The following ZBED6 variants were observed in gnomAD, a reference collection of about 807,000 sequenced individuals.
ZBED6 encodes the protein zinc finger BED domain-containing protein 6.
A neutral mutation model predicts 58.4 loss-of-function variants in ZBED6; 40 were observed. That is an observed-to-expected ratio of 0.68 (90% CI 0.53 to 0.89). The LOEUF is 0.89. Ranked by LOEUF, ZBED6 falls within the 40% of genes least tolerant of loss-of-function variation. The pLI is 0.00. For synonymous variants in ZBED6, 439 were observed against 350.6 expected, an observed-to-expected ratio of 1.25 and a Z score of -2.82; for missense variants, 1,057 against 1,003.9, an observed-to-expected ratio of 1.05 and a Z score of -0.71.
At chr1:203,831,842 G>T (rs976085342) in intron 8 of ZBED6, 71 bp downstream of exon 8, 3 of 1,266,314 alleles carry the variant, frequency 2.4e-6, no homozygotes, top group Admixed American at 2.2e-5. Flanking sequence ...AAATCCTTGG[G>T]TATCTTTTAC....
At chr1:203,825,027 A>G (rs1239072214) in intron 3 of ZBED6, among the ~76,000 whole-genome samples, 1 of 147,176 alleles carries the variant, frequency 6.8e-6, no homozygotes, top group Non-Finnish European at 1.5e-5. Flanking sequence ...CAGTGAGACA[A>G]GATTGTGCCA....
intron 1 of ZBED6, among the ~76,000 whole-genome samples, chr1:203,803,970 T>C (rs1671321948): frequency 6.6e-6 from 1 of 152,190 alleles, no homozygotes; most frequent in Non-Finnish European, 1.5e-5. Flanking sequence ...TAAACTCTAA[T>C]TGGGATTTTG....
intron 1 of ZBED6, among the ~76,000 whole-genome samples, chr1:203,810,003 CTAGA>C (rs1382330807): frequency 1.3e-5 from 2 of 152,020 alleles, no homozygotes; most frequent in Non-Finnish European, 2.9e-5. Context: ...TCTTGGCAAC[CTAGA>C]TACTTTTTTT....
chr1:203,821,126 G>C (rs1450004981), intron 3 of ZBED6, among the ~76,000 whole-genome samples: 1 of 152,036 alleles, frequency 6.6e-6, no homozygotes, highest in African/African-American at 2.4e-5. Context: ...TTTCCCCCAC[G>C]CTATTCTCAT....
intron 3 of ZBED6, among the ~76,000 whole-genome samples, chr1:203,821,198 G>A (rs1678552341): frequency 6.6e-6 from 1 of 152,004 alleles, no homozygotes; most frequent in East Asian, 1.9e-4. Flanking sequence ...CTTTGCTCGC[G>A]CTCTCTTGCT....
chr1:203,818,624 T>C (rs371560596), exon 3 of ZBED6: 1 of 1,614,212 alleles, frequency 6.2e-7, no homozygotes, highest in Non-Finnish European at 8.5e-7. Flanking sequence ...TGAAACTGTT[T>C]GCACATTATG....
At chr1:203,835,190 G>T (rs1683888841) in intron 9 of ZBED6, among the ~76,000 whole-genome samples, 1 of 152,202 alleles carries the variant, frequency 6.6e-6, no homozygotes, top group Non-Finnish European at 1.5e-5. Flanking sequence ...TCAGCGATGA[G>T]ATAATGCCCA....
At chr1:203,822,213 A>G (rs560630059) in intron 3 of ZBED6, among the ~76,000 whole-genome samples, 1 of 152,188 alleles carries the variant, frequency 6.6e-6, no homozygotes, top group East Asian at 1.9e-4. Flanking sequence ...TGTTCATAAT[A>G]CTTTTATTTA....
At chr1:203,815,240 T>C (rs1380810387) in intron 1 of ZBED6, among the ~76,000 whole-genome samples, 5 of 91,880 alleles carry the variant, frequency 5.4e-5, no homozygotes, top group Non-Finnish European at 8.7e-5. Flanking sequence ...TTTGAGACAG[T>C]GTCTCGCTCT....
At chr1:203,826,911 C>T (rs1204774457) in intron 3 of ZBED6, among the ~76,000 whole-genome samples, 1 of 152,130 alleles carries the variant, frequency 6.6e-6, no homozygotes, top group Non-Finnish European at 1.5e-5. Flanking sequence ...TGATCAGCAC[C>T]TAGTTCAAGA....
intron 1 of ZBED6, among the ~76,000 whole-genome samples, chr1:203,811,612 G>A (rs1310303392): frequency 1.3e-5 from 2 of 152,068 alleles, no homozygotes; most frequent in Non-Finnish European, 1.5e-5. Flanking sequence ...GGATTCAAGC[G>A]ATTCTTGTAC....
In ZBED6 at chr1:203,819,753, C is replaced by T. The variant is rs572600056; in HGVS notation, c.*2873+1064C>T. Among the ~76,000 whole-genome samples the T allele has an allele frequency of 2.1e-4, 32 of 149,424 alleles. 1 individual carries two copies. The East Asian group carries it at 5.5e-3, about 26-fold the overall frequency. Reference sequence around the variant, plus strand: ...TTTGCCATGCTGGTCAGGCTGGTCTCGAACTCCTGATCTCTGGTGATCCAC... The same window carrying T: ...TTTGCCATGCTGGTCAGGCTGGTCTTGAACTCCTGATCTCTGGTGATCCAC... On this transcript the variant is annotated intron_variant, in intron 3 of 16. Coordinates refer to ENST00000550078, the Ensembl canonical transcript of ZBED6.
chr1:203,834,696 C>G (rs1683664372), intron 9 of ZBED6, among the ~76,000 whole-genome samples: 1 of 152,206 alleles, frequency 6.6e-6, no homozygotes, highest in African/African-American at 2.4e-5. Flanking sequence ...GTCGCCCACG[C>G]TGGCGTGCAC....
chr1:203,804,789 C>G (rs1257620366), intron 1 of ZBED6, among the ~76,000 whole-genome samples: 1 of 151,282 alleles, frequency 6.6e-6, no homozygotes, highest in African/African-American at 2.4e-5. Flanking sequence ...TCTTCTGTCT[C>G]AGCCTCCCAA....
intron 3 of ZBED6, among the ~76,000 whole-genome samples, chr1:203,825,624 C>T (rs953415366): frequency 2.0e-5 from 3 of 151,874 alleles, no homozygotes; most frequent in South Asian, 2.1e-4. Flanking sequence ...TTAGTAGAGA[C>T]GGGGTTTCAC....
intron 1 of ZBED6, among the ~76,000 whole-genome samples, chr1:203,804,515 CTCTGCCATCA>C (rs1671595370): frequency 6.6e-6 from 1 of 151,978 alleles, no homozygotes; most frequent in Non-Finnish European, 1.5e-5. Context: ...GTGAGTGGTA[CTCTGCCATCA>C]TCTGAATGAT....
At chr1:203,796,205 A>T (rs916733848) in exon 1 of ZBED6, 6 of 387,192 alleles carry the variant, frequency 1.5e-5, no homozygotes, top group Non-Finnish European at 2.3e-5. Flanking sequence ...TCGGGGCAAC[A>T]GTTTCTCTAG....
At chr1:203,832,154 G>A (rs1682586578) in intron 8 of ZBED6, among the ~76,000 whole-genome samples, 2 of 152,138 alleles carry the variant, frequency 1.3e-5, no homozygotes, top group Admixed American at 6.6e-5. Context: ...CGTCTTCTGG[G>A]TTCAAGCAAT....
intron 10 of ZBED6, among the ~76,000 whole-genome samples, chr1:203,838,796 C>CA (rs1167362276): frequency 6.6e-6 from 1 of 151,480 alleles, no homozygotes; most frequent in Non-Finnish European, 1.5e-5. Context: ...ACTAAAAATA[C>CA]AAAAAAATTA....
Sources: allele counts gnomAD v4.1 joint callset (sites outside exome capture counted in the v4.1 genomes callset), GRCh38; gene constraint gnomAD v4.1.1; transcripts MANE v1.5; gene names NCBI Gene and HGNC (gene_info 2026-07-23, HGNC 2026-07-21).